SELENOI: variants seen among roughly 807,000 people sequenced by gnomAD.
SELENOI encodes ethanolaminephosphotransferase 1.
Under a neutral mutation model 50.7 loss-of-function variants are expected in SELENOI, and 24 were observed. The ratio of observed to expected loss-of-function variants is 0.47; its 90% CI spans 0.34 to 0.67. SELENOI has a LOEUF of 0.67. Among genes scored for constraint, SELENOI ranks in the 30% least tolerant of loss-of-function variants. The pLI, the probability that SELENOI is intolerant of heterozygous loss-of-function variation, is 0.01. For synonymous variants in SELENOI, 155 were observed against 170.2 expected, an observed-to-expected ratio of 0.91 and a Z score of 0.70; for missense variants, 352 against 461.4, an observed-to-expected ratio of 0.76 and a Z score of 2.17.
chr2:26,376,438 C>G (rs937946981), intron 6 of SELENOI, among the ~76,000 whole-genome samples: 1 of 152,192 alleles, frequency 6.6e-6, no homozygotes, highest in Admixed American at 6.5e-5. Flanking sequence ...TTAGATAAGA[C>G]AGAATCCTCT....
chr2:26,364,746 A>G (rs932211366), intron 2 of SELENOI, 86 bp from the exon 3 acceptor site: 2 of 902,400 alleles, frequency 2.2e-6, no homozygotes, highest in Admixed American at 6.0e-5. Flanking sequence ...TATAGCTTTT[A>G]TTATGACTTC....
chr2:26,346,256 C>T lies in SELENOI; in HGVS notation c.24C>T (p.Ser8=). The part of the protein sequence containing the change: MAGYEYV[S]PEQLAGFDKY... ...TCATGGCTGGCTACGAATACGTGAG[C>T]CCGGAGCAGCTGGCTGGCTTTGATA... The change falls in exon 1 of 10, where the codon AGC becomes AGT. Residue 8 remains serine (S), a synonymous_variant. Transcript: ENST00000260585. 6.2e-7 allele frequency: 1 copy of T among 1,613,594 alleles called. No homozygotes were observed. Among genetic ancestry groups the T allele is most frequent in the South Asian group, 1.1e-5 (1 of 91,072 alleles).
At chr2:26,374,945 T>A (rs1457095415) in intron 5 of SELENOI, 95 bp from the exon 6 acceptor site, 4 of 796,912 alleles carry the variant, frequency 5.0e-6, no homozygotes, top group Non-Finnish European at 8.4e-6. Flanking sequence ...TTACTAAAAC[T>A]GTTTGACTTG....
intron 5 of SELENOI, among the ~76,000 whole-genome samples, chr2:26,374,811 C>G (rs1372060862): frequency 6.6e-6 from 1 of 152,122 alleles, no homozygotes; most frequent in Non-Finnish European, 1.5e-5. Flanking sequence ...CTCAGGTGAT[C>G]TGCCCGTCTT....
chr2:26,387,901 C>T (rs1006129287), intron 9 of SELENOI, among the ~76,000 whole-genome samples: 2 of 152,044 alleles, frequency 1.3e-5, no homozygotes, highest in African/African-American at 4.8e-5. Flanking sequence ...GTTTGAGAAA[C>T]AAAATATCTT....
intron 4 of SELENOI, 26 bp downstream of exon 4, chr2:26,367,246 T>C (rs1677305018): frequency 6.4e-7 from 1 of 1,566,934 alleles, no homozygotes; most frequent in South Asian, 1.2e-5. Flanking sequence ...ATACTTACTA[T>C]AGTCAGTGAC....
intron 4 of SELENOI, among the ~76,000 whole-genome samples, chr2:26,372,847 C>T (rs1445431367): frequency 6.6e-6 from 1 of 152,122 alleles, no homozygotes; most frequent in Non-Finnish European, 1.5e-5. Flanking sequence ...TTAGATTAAA[C>T]TTTGAAGAAT....
chr2:26,352,295 T>G (rs1376408608), intron 1 of SELENOI, among the ~76,000 whole-genome samples: 2 of 152,132 alleles, frequency 1.3e-5, no homozygotes, highest in African/African-American at 2.4e-5. Context: ...TGGAGAGAGA[T>G]AGAGGTGCTC....
At chr2:26,362,083 G>GGTTGACTCTTTGCTAAAAGA (rs1447713038) in intron 1 of SELENOI, among the ~76,000 whole-genome samples, 2 of 152,080 alleles carry the variant, frequency 1.3e-5, no homozygotes, top group African/African-American at 4.8e-5. Flanking sequence ...TTGGCTTATT[G>GGTTGACTCTTTGCTAAAAGA]GTTGACTCTT....
At chr2:26,353,784 T>C (rs1677007865) in intron 1 of SELENOI, among the ~76,000 whole-genome samples, 1 of 152,208 alleles carries the variant, frequency 6.6e-6, no homozygotes, top group Non-Finnish European at 1.5e-5. Flanking sequence ...ACATCTTGAA[T>C]TGGATCTTTT....
In SELENOI at chr2:26,385,130, C is replaced by G. The variant is rs1277523085; in HGVS notation, c.903C>G (p.Ala301=). ...VFYFMVGTAF[A]NSTCQLIVCQ... is the part of the protein sequence containing the mutation. ...ACTTTATGGTTGGAACAGCTTTTGC[C>G]AACAGTACAGTAAGATTTTTTTCTT... is the stretch of plus-strand genomic sequence containing the variant. The change falls in exon 8 of 10, where the codon GCC becomes GCG. Residue 301 remains alanine (A), a synonymous_variant. Coordinates refer to ENST00000260585, the MANE Select transcript of SELENOI (RefSeq NM_033505.4). 1.3e-6 allele frequency: 2 copies of G among 1,559,776 alleles called. No homozygotes were observed. The highest frequency in any genetic ancestry group is 3.9e-5 in the Admixed American group (2 of 51,728).
chr2:26,380,246 G>A (rs1255812347), intron 6 of SELENOI, among the ~76,000 whole-genome samples: 1 of 152,100 alleles, frequency 6.6e-6, no homozygotes, highest in Non-Finnish European at 1.5e-5. Flanking sequence ...TTTCCTCAGA[G>A]GTAACCATTC....
chr2:26,363,154 C>G (rs879774913), intron 1 of SELENOI, among the ~76,000 whole-genome samples: 5 of 152,156 alleles, frequency 3.3e-5, no homozygotes, highest in Non-Finnish European at 5.9e-5. Flanking sequence ...ATCTGTCATT[C>G]CTTTGGTACT....
chr2:26,350,406 T>C (rs2147942737), intron 1 of SELENOI, among the ~76,000 whole-genome samples: 1 of 152,312 alleles, frequency 6.6e-6, no homozygotes, highest in Non-Finnish European at 1.5e-5. Context: ...TCGCCCAGGC[T>C]GGAGTGCAGT....
intron 4 of SELENOI, among the ~76,000 whole-genome samples, chr2:26,371,087 G>T (rs1376069370): frequency 1.4e-5 from 2 of 147,520 alleles, no homozygotes; most frequent in Non-Finnish European, 3.0e-5. Flanking sequence ...CGGACGGGGC[G>T]GCTGGCCGGG....
rs963747286 is a variant in SELENOI at position 26,394,047 on chromosome 2, T to C, written c.*4944T>C. 1.3e-5 allele frequency: 2 copies of C among 152,242 alleles called. No individual in the cohort carries two copies. Among genetic ancestry groups the C allele is most frequent in the Non-Finnish European group, 2.9e-5 (2 of 68,040 alleles). The allele number at this position is 152,242 out of a possible 1,614,324, so 9.4% of individuals were successfully genotyped here. On this transcript the variant is annotated 3_prime_UTR_variant, in exon 10 of 10. Transcript: ENST00000260585. This position sits in a 1 kb window ranked among gnomAD's most constrained non-coding sequence, Gnocchi z 4.1. Reference sequence around the variant, plus strand: ...GACCTGGAACATATATAGTTAGTACTTGATGTCACTAACCAAGTTGTAGAA... The same window carrying C: ...GACCTGGAACATATATAGTTAGTACCTGATGTCACTAACCAAGTTGTAGAA...
At chr2:26,377,778 A>C (rs1219035871) in intron 6 of SELENOI, among the ~76,000 whole-genome samples, 3 of 152,140 alleles carry the variant, frequency 2.0e-5, no homozygotes, top group African/African-American at 7.2e-5. Flanking sequence ...GCTGCTTTAA[A>C]GTCTGTCTAC....
chr2:26,389,207 A>C lies in SELENOI; in HGVS notation c.*104A>C, dbSNP rs1452771017. ...ATCTGCTTGACAGACGTGGGATCTCAGTATGGTACTTGGACAGCAGGAATG... is the reference window on the plus strand; with the variant it reads ...ATCTGCTTGACAGACGTGGGATCTCCGTATGGTACTTGGACAGCAGGAATG... On this transcript the variant is annotated 3_prime_UTR_variant, in exon 10 of 10. Coordinates refer to ENST00000260585, the MANE Select transcript of SELENOI (RefSeq NM_033505.4). 2 of 895,780 alleles carry C rather than the reference A, an allele frequency of 2.2e-6. No individual in the cohort carries two copies. The highest frequency in any genetic ancestry group is 3.5e-6 in the Non-Finnish European group (2 of 568,508). The allele number at this position is 895,780 out of a possible 1,614,324, so 55.5% of individuals were successfully genotyped here.
At chr2:26,382,121 C>T (rs1238356272) in intron 6 of SELENOI, among the ~76,000 whole-genome samples, 1 of 152,208 alleles carries the variant, frequency 6.6e-6, no homozygotes, top group African/African-American at 2.4e-5. Context: ...AACCCATCCC[C>T]ATTGTACAAC....
Sources: allele counts gnomAD v4.1 joint callset (sites outside exome capture counted in the v4.1 genomes callset), GRCh38; gene constraint gnomAD v4.1.1; non-coding constraint Gnocchi (gnomAD v3.1); transcripts MANE v1.5; gene names NCBI Gene and HGNC (gene_info 2026-07-23, HGNC 2026-07-21).